Variants in PLCB1 observed in about 807,000 individuals in gnomAD.
The protein encoded by PLCB1 is phospholipase C beta 1.
In PLCB1, 46 loss-of-function variants were observed where a neutral mutation model predicts 161.8. The observed-to-expected ratio is 0.28, with a 90% CI of 0.22 to 0.36. The LOEUF (loss-of-function observed/expected upper bound fraction) is 0.36. Among genes scored for constraint, PLCB1 ranks in the 10% least tolerant of loss-of-function variants. The pLI is 1.00. For synonymous variants in PLCB1, 517 were observed against 503.7 expected, an observed-to-expected ratio of 1.03 and a Z score of -0.35; for missense variants, 1,016 against 1,472.5, an observed-to-expected ratio of 0.69 and a Z score of 5.07.
At chr20:8,484,104 C>T (rs1356458164) in intron 3 of PLCB1, among the ~76,000 whole-genome samples, 1 of 152,204 alleles carries the variant, frequency 6.6e-6, no homozygotes, top group East Asian at 1.9e-4. Flanking sequence ...TGGCTCACCA[C>T]AACCTCAGCC....
At chr20:8,405,582 A>G (rs1370043986) in intron 3 of PLCB1, among the ~76,000 whole-genome samples, 2 of 152,186 alleles carry the variant, frequency 1.3e-5, no homozygotes, top group Non-Finnish European at 2.9e-5. Flanking sequence ...CACTTTTGCA[A>G]TCAATCTACC....
chr20:8,742,552 G>A (rs80286944), intron 23 of PLCB1, among the ~76,000 whole-genome samples: 2,526 of 152,156 alleles, frequency 0.017, 73 homozygotes, highest in African/African-American at 0.056. Context: ...CATCCCATCC[G>A]CTCAGAGATA....
intron 3 of PLCB1, among the ~76,000 whole-genome samples, chr20:8,535,589 C>G (rs1031013340): frequency 6.6e-6 from 1 of 152,018 alleles, no homozygotes; most frequent in African/African-American, 2.4e-5. Flanking sequence ...ATTTTGCCCC[C>G]CAGTGGACAT....
chr20:8,566,468 ATT>A (rs983686203), intron 3 of PLCB1, among the ~76,000 whole-genome samples: 1 of 152,154 alleles, frequency 6.6e-6, no homozygotes, highest in Non-Finnish European at 1.5e-5. Flanking sequence ...AAAAAACAAC[ATT>A]TTTTAGGAAG....
intron 7 of PLCB1, among the ~76,000 whole-genome samples, chr20:8,654,505 A>T (rs1028857141): frequency 1.3e-5 from 2 of 152,120 alleles, no homozygotes; most frequent in Non-Finnish European, 2.9e-5. Flanking sequence ...GAATTAAATA[A>T]GAGATTGTCA....
chr20:8,529,620 T>C (rs1984719637), intron 3 of PLCB1, among the ~76,000 whole-genome samples: 1 of 105,180 alleles, frequency 9.5e-6, no homozygotes, highest in African/African-American at 4.6e-5. Context: ...CGTTATTTTA[T>C]TTATTTTCTC....
At chr20:8,208,919 G>T (rs936518792) in intron 2 of PLCB1, among the ~76,000 whole-genome samples, 1 of 152,088 alleles carries the variant, frequency 6.6e-6, no homozygotes. Context: ...AGAAATTTTT[G>T]TTCTGAATGA....
chr20:8,198,374 A>G lies in PLCB1; in HGVS notation c.177+48003A>G, dbSNP rs138987297. Among the ~76,000 whole-genome samples, 237 of 152,246 alleles carry G rather than the reference A, an allele frequency of 1.6e-3. 5 individuals are homozygous for G. The East Asian group carries it at 0.038, about 25-fold the overall frequency. On this transcript the variant is annotated intron_variant, in intron 2 of 31. Coordinates refer to ENST00000338037, the MANE Select transcript of PLCB1 (RefSeq NM_015192.4). Reference sequence around the variant, plus strand: ...GTAGTTCTCCTTGAAGAAGTCCTTCACATCCCTTGTAAGTTGGATTCCTAG... The same window carrying G: ...GTAGTTCTCCTTGAAGAAGTCCTTCGCATCCCTTGTAAGTTGGATTCCTAG...
intron 3 of PLCB1, among the ~76,000 whole-genome samples, chr20:8,614,324 A>G (rs1987988557): frequency 6.6e-6 from 1 of 151,594 alleles, no homozygotes; most frequent in South Asian, 2.1e-4. Flanking sequence ...TCATTCAAGT[A>G]TTCAATTATA....
intron 2 of PLCB1, among the ~76,000 whole-genome samples, chr20:8,227,951 C>T (rs979171047): frequency 1.3e-5 from 2 of 152,066 alleles, no homozygotes; most frequent in African/African-American, 4.8e-5. Flanking sequence ...TAAATATATT[C>T]TAATGATTTG....
intron 3 of PLCB1, among the ~76,000 whole-genome samples, chr20:8,504,853 G>C (rs1288229201): frequency 6.6e-6 from 1 of 152,128 alleles, no homozygotes; most frequent in African/African-American, 2.4e-5. Flanking sequence ...TTTTCTCTCT[G>C]GAAGGAAGAT....
chr20:8,572,925 T>G (rs938703185), intron 3 of PLCB1, among the ~76,000 whole-genome samples: 1 of 152,132 alleles, frequency 6.6e-6, no homozygotes, highest in Non-Finnish European at 1.5e-5. Flanking sequence ...GGCTTGGGAA[T>G]TATTAGTATT....
At chr20:8,417,368 T>A (rs906838922) in intron 3 of PLCB1, among the ~76,000 whole-genome samples, 1 of 151,702 alleles carries the variant, frequency 6.6e-6, no homozygotes, top group Non-Finnish European at 1.5e-5. Context: ...CGCACCCACA[T>A]TTATAACACA....
At chr20:8,528,785 TA>T (rs1984679770) in intron 3 of PLCB1, among the ~76,000 whole-genome samples, 1 of 151,820 alleles carries the variant, frequency 6.6e-6, no homozygotes, top group African/African-American at 2.4e-5. Flanking sequence ...TGACCAATAC[TA>T]GATAATACGT....
chr20:8,261,836 A>T (rs1981713580), intron 2 of PLCB1, among the ~76,000 whole-genome samples: 1 of 152,196 alleles, frequency 6.6e-6, no homozygotes. Context: ...TGTATTTAGT[A>T]TTGAGATTAA....
intron 1 of PLCB1, among the ~76,000 whole-genome samples, chr20:8,136,374 C>G (rs28654652): frequency 1.5e-3 from 223 of 152,238 alleles, no homozygotes; most frequent in African/African-American, 5.2e-3. Context: ...AGCCTGTAAT[C>G]CTAGCACTTT....
At chr20:8,218,869 A>G (rs867211506) in intron 2 of PLCB1, among the ~76,000 whole-genome samples, 20 of 152,142 alleles carry the variant, frequency 1.3e-4, no homozygotes, top group Non-Finnish European at 2.6e-4. Context: ...AAGGCATTTT[A>G]AAATGATCTG....
intron 4 of PLCB1, among the ~76,000 whole-genome samples, chr20:8,631,301 G>A (rs922292723): frequency 6.6e-6 from 1 of 152,156 alleles, no homozygotes; most frequent in Non-Finnish European, 1.5e-5. Flanking sequence ...TGGGCACAGT[G>A]TTGCCAGATC....
chr20:8,883,506 T>C lies in PLCB1; in HGVS notation c.*1657T>C, dbSNP rs1988067992. 1.3e-5 allele frequency: 2 copies of C among 152,088 alleles called. No individual in the cohort carries two copies. Among genetic ancestry groups the C allele is most frequent in the Non-Finnish European group, 2.9e-5 (2 of 67,970 alleles). 9.4% of individuals were successfully genotyped at this position (152,088 alleles called of 1,614,324 possible). A position where few individuals can be genotyped will look rare whatever the true frequency, so the allele number is the denominator to read the frequency against. Reference sequence around the variant, plus strand: ...CTCACAGTTTTATTTTACTTTAAAATAAACCTGTCTGACTGTAGCTTTGTG... The same window carrying C: ...CTCACAGTTTTATTTTACTTTAAAACAAACCTGTCTGACTGTAGCTTTGTG... On this transcript the variant is annotated 3_prime_UTR_variant, in exon 32 of 32. Transcript: ENST00000338037.
Sources: gnomAD v4.1 joint callset for allele counts (sites outside exome capture counted in the v4.1 genomes callset) on GRCh38, gnomAD v4.1.1 for gene constraint, MANE v1.5 for transcripts, NCBI Gene and HGNC (gene_info 2026-07-23, HGNC 2026-07-21) for gene names.